EYS: variants seen among roughly 807,000 people sequenced by gnomAD.
EYS encodes EGF-like photoreceptor maintenance factor, also known as protein eyes shut homolog.
In EYS, 250 loss-of-function variants were observed where a neutral mutation model predicts 282.1. The ratio of observed to expected loss-of-function variants is 0.89; its 90% CI spans 0.80 to 0.98. The LOEUF (loss-of-function observed/expected upper bound fraction) is 0.98. EYS is among the 50% of genes least tolerant of loss of function. The probability of loss-of-function intolerance (pLI) is 0.00; values close to 1 mark genes in which losing one functional copy is unlikely to be tolerated. For missense variants in EYS, 4,016 were observed against 3,709.0 expected, an observed-to-expected ratio of 1.08 and a Z score of -2.15; for synonymous variants, 1,355 against 1,282.9, an observed-to-expected ratio of 1.06 and a Z score of -1.20.
intron 35 of EYS, 32 bp downstream of exon 35, chr6:63,984,351 C>CG: frequency 1.4e-6 from 2 of 1,417,154 alleles, no homozygotes; most frequent in Non-Finnish European, 1.9e-6. Flanking sequence ...AGTCATGTAA[C>CG]GTAGGTTGGG....
intron 32 of EYS, among the ~76,000 whole-genome samples, chr6:64,077,345 A>G (rs1488044350): frequency 6.6e-6 from 1 of 152,034 alleles, no homozygotes; most frequent in Non-Finnish European, 1.5e-5. Flanking sequence ...TAAGTGTCTA[A>G]TGAAGATGTT....
At chr6:64,818,400 C>A (rs547403022) in intron 21 of EYS, among the ~76,000 whole-genome samples, 18 of 152,170 alleles carry the variant, frequency 1.2e-4, no homozygotes, top group African/African-American at 4.3e-4. Context: ...TCTAGAGAAA[C>A]AGGACGAATA....
chr6:64,224,241 G>A (rs1766190962), intron 31 of EYS, among the ~76,000 whole-genome samples: 4 of 151,938 alleles, frequency 2.6e-5, no homozygotes, highest in Admixed American at 2.6e-4. Flanking sequence ...AAGCATTAGG[G>A]TTAAAAGAGT....
intron 31 of EYS, among the ~76,000 whole-genome samples, chr6:64,087,114 G>A (rs1004884645): frequency 5.3e-5 from 8 of 152,078 alleles, no homozygotes; most frequent in African/African-American, 1.9e-4. Flanking sequence ...AGGATCCTTA[G>A]CATATAACTT....
At chr6:65,034,117 T>C (rs978544018) in intron 13 of EYS, among the ~76,000 whole-genome samples, 1 of 152,204 alleles carries the variant, frequency 6.6e-6, no homozygotes, top group Non-Finnish European at 1.5e-5. Flanking sequence ...AGCCCCTTTC[T>C]TTTGGCTAAT....
intron 22 of EYS, among the ~76,000 whole-genome samples, chr6:64,696,826 C>T (rs1041853012): frequency 6.6e-6 from 1 of 152,092 alleles, no homozygotes; most frequent in Non-Finnish European, 1.5e-5. Context: ...ACTGGTCCTA[C>T]AAGAAATGCC....
intron 31 of EYS, among the ~76,000 whole-genome samples, chr6:64,214,864 A>G (rs1203362155): frequency 6.6e-6 from 1 of 152,054 alleles, no homozygotes; most frequent in African/African-American, 2.4e-5. Flanking sequence ...TGATATGCAT[A>G]TAATATGTGT....
intron 30 of EYS, among the ~76,000 whole-genome samples, chr6:64,293,020 A>G (rs949602389): frequency 5.9e-5 from 9 of 152,120 alleles, no homozygotes; most frequent in Non-Finnish European, 1.3e-4. Flanking sequence ...CTTTAGAATC[A>G]GACTGTTAAT....
intron 24 of EYS, among the ~76,000 whole-genome samples, chr6:64,610,841 C>T (rs1023595198): frequency 6.6e-6 from 1 of 152,042 alleles, no homozygotes; most frequent in Admixed American, 6.6e-5. Flanking sequence ...CAGAAAACTT[C>T]CTCTTTTCAT....
At chr6:65,610,472 T>C (rs1200189861) in intron 2 of EYS, among the ~76,000 whole-genome samples, 2 of 152,114 alleles carry the variant, frequency 1.3e-5, no homozygotes, top group Non-Finnish European at 2.9e-5. Flanking sequence ...TATTTTCCTA[T>C]TATGATACTT....
At position 65,205,938 on chromosome 6, in the gene EYS, A is replaced by C. The variant is rs78809657; in HGVS notation, c.2023+89925T>G. Among the ~76,000 whole-genome samples, 734 of 151,980 alleles carry C rather than the reference A, an allele frequency of 4.8e-3. 9 individuals are homozygous for C. The highest frequency in any genetic ancestry group is 0.017 in the African/African-American group (698 of 41,558). On this transcript the variant is annotated intron_variant, in intron 12 of 42. Coordinates refer to ENST00000503581, the MANE Select transcript of EYS (RefSeq NM_001142800.2). The stretch of plus-strand genomic sequence containing the variant: ...GTTAAGTCCCTACATCAAAAAGAGA[A>C]GAATCTCAATTTAAAATCCTAATGT...
intron 12 of EYS, among the ~76,000 whole-genome samples, chr6:65,179,630 A>C (rs1242991348): frequency 2.0e-5 from 3 of 152,194 alleles, no homozygotes; most frequent in African/African-American, 7.2e-5. Flanking sequence ...CAGAGGTACA[A>C]GGAGGAGCTG....
chr6:63,750,808 A>G (rs928962924), intron 41 of EYS, among the ~76,000 whole-genome samples: 1 of 152,144 alleles, frequency 6.6e-6, no homozygotes, highest in South Asian at 2.1e-4. Context: ...TAGATTCTCA[A>G]TTGGTCTCCA....
chr6:64,490,735 T>A (rs1358933379), intron 26 of EYS, among the ~76,000 whole-genome samples: 5 of 150,802 alleles, frequency 3.3e-5, no homozygotes. Context: ...CTTTTTAAAT[T>A]TTTTTCAGTA....
intron 35 of EYS, among the ~76,000 whole-genome samples, chr6:63,966,514 A>G (rs1247085028): frequency 6.6e-6 from 1 of 152,178 alleles, no homozygotes; most frequent in African/African-American, 2.4e-5. Flanking sequence ...TATGGAAAAA[A>G]AAACTGGTTG....
chr6:64,310,813 A>C (rs1049966774), intron 29 of EYS, among the ~76,000 whole-genome samples: 3 of 152,202 alleles, frequency 2.0e-5, no homozygotes, highest in Non-Finnish European at 4.4e-5. Context: ...ATGAGTGAAC[A>C]AAATGGGAAG....
chr6:65,030,192 G>C (rs1053891421), intron 13 of EYS, among the ~76,000 whole-genome samples: 4 of 152,104 alleles, frequency 2.6e-5, no homozygotes, highest in African/African-American at 9.7e-5. Flanking sequence ...CCAATAAGAT[G>C]GATGTGACCT....
chr6:64,396,950 GCTCT>G (rs983151233), intron 28 of EYS, among the ~76,000 whole-genome samples: 13 of 151,796 alleles, frequency 8.6e-5, no homozygotes, highest in African/African-American at 2.7e-4. Flanking sequence ...GTATTCCTGG[GCTCT>G]CTCTCTTTTA....
intron 22 of EYS, among the ~76,000 whole-genome samples, chr6:64,736,535 A>G (rs1294933575): frequency 6.6e-6 from 1 of 152,172 alleles, no homozygotes; most frequent in Non-Finnish European, 1.5e-5. Flanking sequence ...ATCATTACAG[A>G]GTATTGGTTA....
Sources: allele counts gnomAD v4.1 joint callset (sites outside exome capture counted in the v4.1 genomes callset), GRCh38; gene constraint gnomAD v4.1.1; transcripts MANE v1.5; gene names NCBI Gene and HGNC (gene_info 2026-07-23, HGNC 2026-07-21).